Variants in SOS1 observed in about 807,000 individuals in gnomAD.
SOS1 encodes son of sevenless homolog 1.
In SOS1, 25 loss-of-function variants were observed where a neutral mutation model predicts 157.6. The ratio of observed to expected loss-of-function variants is 0.16; its 90% CI spans 0.12 to 0.22. The LOEUF (loss-of-function observed/expected upper bound fraction) is 0.22. SOS1 is among the 10% of genes least tolerant of loss of function. SOS1 has a pLI of 1.00. For synonymous variants in SOS1, 528 were observed against 534.0 expected, an observed-to-expected ratio of 0.99 and a Z score of 0.16; for missense variants, 1,237 against 1,599.1, an observed-to-expected ratio of 0.77 and a Z score of 3.86.
intron 1 of SOS1, among the ~76,000 whole-genome samples, chr2:39,083,993 A>G (rs757800968): frequency 6.6e-6 from 1 of 152,290 alleles, no homozygotes; most frequent in East Asian, 1.9e-4. Flanking sequence ...AATCCAATCC[A>G]AGACTGGTAT....
chr2:39,012,853 T>A (rs779713936), intron 13 of SOS1, among the ~76,000 whole-genome samples: 1 of 152,190 alleles, frequency 6.6e-6, no homozygotes, highest in Non-Finnish European at 1.5e-5. Context: ...GTACTATTAT[T>A]TAACTATTTT....
intron 1 of SOS1, among the ~76,000 whole-genome samples, chr2:39,102,242 T>G (rs297160): frequency 0.93 from 125,084 of 134,334 alleles, 58,354 homozygotes; most frequent in African/African-American, 0.97. Context: ...TGCCACTTTG[T>G]CCCGGTGTGG....
intron 1 of SOS1, among the ~76,000 whole-genome samples, chr2:39,078,249 G>A (rs1056328870): frequency 1.3e-5 from 2 of 152,032 alleles, no homozygotes; most frequent in African/African-American, 2.4e-5. Flanking sequence ...AAAACCATAA[G>A]ACATTATTTT....
intron 6 of SOS1, 139 bp downstream of exon 6, chr2:39,051,005 C>G: frequency 1.3e-6 from 1 of 791,660 alleles, no homozygotes; most frequent in Non-Finnish European, 2.2e-6. Context: ...GACAATGACC[C>G]TATGAAAAAG....
chr2:39,006,986 A>G (rs756465138), intron 16 of SOS1, 45 bp downstream of exon 16: 2 of 1,288,512 alleles, frequency 1.6e-6, no homozygotes, highest in South Asian at 1.2e-5. Context: ...TAATTTTTCT[A>G]ATAGGGAATG....
Position 39,079,352 on chromosome 2 carries a change from T to C in SOS1, c.88-11599A>G, listed in dbSNP as rs77168354. Among the ~76,000 whole-genome samples the C allele has an allele frequency of 1.8e-3, 280 of 152,292 alleles. 2 individuals carry two copies. The East Asian group carries it at 0.022, about 12-fold the overall frequency. The stretch of plus-strand genomic sequence containing the variant: ...AAAACCAAACTATGTTCATTGTTTA[T>C]TAATTTATACTTAATGACAAAACTA... On this transcript the variant is annotated intron_variant, in intron 1 of 22. Transcript: ENST00000402219.
chr2:39,022,413 C>A, intron 10 of SOS1, 157 bp downstream of exon 10: 1 of 648,300 alleles, frequency 1.5e-6, no homozygotes, highest in Non-Finnish European at 2.7e-6. Context: ...AAAAGTAAAA[C>A]ATTCCAAAGA....
intron 1 of SOS1, among the ~76,000 whole-genome samples, chr2:39,102,530 C>CAAAAAA (rs70954782): frequency 6.3e-4 from 32 of 50,522 alleles, no homozygotes; most frequent in African/African-American, 1.5e-3. Flanking sequence ...GACTCCATCT[C>CAAAAAA]AAAAAAAAAA....
intron 1 of SOS1, among the ~76,000 whole-genome samples, chr2:39,072,749 G>A (rs529239916): frequency 1.1e-4 from 17 of 152,110 alleles, no homozygotes; most frequent in Non-Finnish European, 2.1e-4. Context: ...AACACGTGAT[G>A]CCAACTGCAC....
At chr2:39,029,833 T>C (rs894904875) in intron 8 of SOS1, among the ~76,000 whole-genome samples, 1 of 152,150 alleles carries the variant, frequency 6.6e-6, no homozygotes, top group Admixed American at 6.5e-5. Context: ...TTTCTGAATT[T>C]AGAAAGCTGG....
At chr2:39,091,747 A>C (rs1672606566) in intron 1 of SOS1, among the ~76,000 whole-genome samples, 1 of 152,022 alleles carries the variant, frequency 6.6e-6, no homozygotes, top group African/African-American at 2.4e-5. Flanking sequence ...TCACCAGGGG[A>C]TGCCATTCTA....
chr2:39,123,007 C>G (rs1008954257), upstream of SOS1, among the ~76,000 whole-genome samples: 1 of 152,190 alleles, frequency 6.6e-6, no homozygotes, highest in African/African-American at 2.4e-5. Flanking sequence ...AGGCGTGCAT[C>G]TGGCTCCTGC....
intron 1 of SOS1, among the ~76,000 whole-genome samples, chr2:39,114,726 A>G (rs1673582610): frequency 6.6e-6 from 1 of 152,012 alleles, no homozygotes; most frequent in South Asian, 2.1e-4. Context: ...CCTCCCGAGT[A>G]GCTGGGATTA....
chr2:39,043,401 C>T (rs1469767639), intron 6 of SOS1, among the ~76,000 whole-genome samples: 2 of 152,086 alleles, frequency 1.3e-5, no homozygotes, highest in East Asian at 1.9e-4. Context: ...TTTTTCTTTA[C>T]TGTCGTTATG....
rs1057522437 is a variant in SOS1, at chr2:38,985,812, G to C, written c.*12C>G. On this transcript the variant is annotated 3_prime_UTR_variant, in exon 23 of 23. Coordinates refer to ENST00000402219, the MANE Select transcript of SOS1 (RefSeq NM_005633.4). ...TGGGGCTAGGAAAATATACATCCCAGTACAGAGGAACTCAGGAAGAATGGG... is the reference window on the plus strand; with the variant it reads ...TGGGGCTAGGAAAATATACATCCCACTACAGAGGAACTCAGGAAGAATGGG... 1.2e-6 allele frequency: 2 copies of C among 1,611,530 alleles called. No individual in the cohort carries two copies. The highest frequency in any genetic ancestry group is 1.7e-6 in the Non-Finnish European group (2 of 1,178,508).
At chr2:39,028,085 G>C (rs1209216568) in intron 8 of SOS1, among the ~76,000 whole-genome samples, 1 of 152,150 alleles carries the variant, frequency 6.6e-6, no homozygotes, top group East Asian at 1.9e-4. Flanking sequence ...TGGGATTACA[G>C]GCATGAGCCA....
At chr2:39,001,486 ACTTTTATTCTTTAAATGGTGG>A (rs1305913892) in intron 17 of SOS1, among the ~76,000 whole-genome samples, 5 of 152,180 alleles carry the variant, frequency 3.3e-5, no homozygotes, top group African/African-American at 9.6e-5. Flanking sequence ...TGACTGCCCT[ACTTTTATTCTTTAAATGGTGG>A]TTGTGCCAGC....
chr2:39,106,593 A>AAAT (rs1373722352), intron 1 of SOS1, among the ~76,000 whole-genome samples: 1 of 37,268 alleles, frequency 2.7e-5, no homozygotes, highest in African/African-American at 5.8e-5. Flanking sequence ...TCCGTCTCAA[A>AAAT]AAAAAAAACA....
At chr2:39,050,588 A>C (rs1389768790) in intron 6 of SOS1, among the ~76,000 whole-genome samples, 2 of 152,194 alleles carry the variant, frequency 1.3e-5, no homozygotes, top group African/African-American at 4.8e-5. Context: ...CCAAGTCTGA[A>C]AATCCCAAAT....
Sources: allele counts gnomAD v4.1 joint callset (sites outside exome capture counted in the v4.1 genomes callset), GRCh38; gene constraint gnomAD v4.1.1; transcripts MANE v1.5; gene names NCBI Gene and HGNC (gene_info 2026-07-23, HGNC 2026-07-21).